GLT1D1: variants seen among roughly 807,000 people sequenced by gnomAD.
The protein encoded by GLT1D1 is glycosyltransferase 1 domain-containing protein 1.
Under a neutral mutation model 28.7 loss-of-function variants are expected in GLT1D1, and 21 were observed. The ratio of observed to expected loss-of-function variants is 0.73; its 90% confidence interval spans 0.52 to 1.05. GLT1D1 has a LOEUF of 1.05. Among genes scored for constraint, GLT1D1 ranks in the 50% least tolerant of loss-of-function variants. The probability of loss-of-function intolerance (pLI) is 0.00; values close to 1 mark genes in which losing one functional copy is unlikely to be tolerated. For synonymous variants in GLT1D1, 147 were observed against 124.8 expected (o/e 1.18, Z -1.19); for missense variants, 343 against 330.6 (o/e 1.04, Z -0.29).
At position 128,947,386 on chromosome 12, in the gene GLT1D1, C is replaced by G. The variant is rs144647363; in HGVS notation, c.468C>G (p.His156Gln). The G allele has an allele frequency of 6.2e-7, 1 of 1,613,860 alleles. No homozygotes were observed. The highest frequency in any genetic ancestry group is 8.5e-7 in the Non-Finnish European group (1 of 1,179,924). Residue 156 changes from histidine to glutamine, a missense_variant, in exon 6 of 8, where the codon CAC (histidine) becomes CAG (glutamine). Transcript: ENST00000281703. ...GAGAGATGCCTCAAGAAGATCTGCA[C>G]GCGGTGGTGAAGAATTGCTTCGCGG...
chr12:128,950,118 C>T lies in GLT1D1; in HGVS notation c.540+2660C>T, dbSNP rs1876539796. ...ATACGGCAGTGCGAGGCCTTTCCCACTTTGAAAAGCGAAGGGCCTTTTGAG... is the reference window on the plus strand; with the variant it reads ...ATACGGCAGTGCGAGGCCTTTCCCATTTTGAAAAGCGAAGGGCCTTTTGAG... On this transcript the variant is annotated intron_variant, in intron 6 of 7. Transcript: ENST00000281703. Among the ~76,000 whole-genome samples, 3 of 152,132 alleles carry T rather than the reference C, an allele frequency of 2.0e-5. No individual in the cohort carries two copies. The South Asian group carries it at 6.2e-4, about 32-fold the overall frequency.
At position 128,882,934 on chromosome 12, in the gene GLT1D1, T is replaced by C. The variant is rs537461345; in HGVS notation, c.218-5705T>C. Among the ~76,000 whole-genome samples, 926 of 147,514 alleles carry C rather than the reference T, an allele frequency of 6.3e-3. 8 individuals are homozygous for C. Among genetic ancestry groups the C allele is most frequent in the African/African-American group, 0.022 (872 of 40,516 alleles). The stretch of plus-strand genomic sequence containing the variant: ...TTTATTTATTTATTTATATTTTTAA[T>C]TTTTTTTTTTGAGACGGAGTCTCAC... On this transcript the variant is annotated intron_variant, in intron 2 of 7. Transcript: ENST00000281703.
intron 6 of GLT1D1, among the ~76,000 whole-genome samples, chr12:128,949,272 A>C (rs1593177295): frequency 6.6e-6 from 1 of 152,184 alleles, no homozygotes; most frequent in African/African-American, 2.4e-5. Flanking sequence ...TCGCTGTCAA[A>C]CCTCATTTAC....
intron 4 of GLT1D1, among the ~76,000 whole-genome samples, chr12:128,905,194 G>A (rs913201510): frequency 5.3e-5 from 8 of 152,192 alleles, no homozygotes; most frequent in South Asian, 2.1e-4. Flanking sequence ...CCCACTATAT[G>A]TCATCAATAT....
chr12:128,973,550 C>A (rs1306681072), intron 7 of GLT1D1, among the ~76,000 whole-genome samples: 1 of 151,860 alleles, frequency 6.6e-6, no homozygotes, highest in Non-Finnish European at 1.5e-5. Flanking sequence ...GATTTACCGC[C>A]GCACTTTAAT....
At chr12:128,883,407 C>T (rs983110112) in intron 2 of GLT1D1, among the ~76,000 whole-genome samples, 28 of 149,942 alleles carry the variant, frequency 1.9e-4, no homozygotes, top group African/African-American at 5.6e-4. Flanking sequence ...CTGGCCAACA[C>T]GGTGAAACCC....
chr12:128,911,250 G>C (rs1439613649), intron 4 of GLT1D1, among the ~76,000 whole-genome samples: 1 of 152,180 alleles, frequency 6.6e-6, no homozygotes, highest in Non-Finnish European at 1.5e-5. Flanking sequence ...CCTTCTGCCT[G>C]GATGCTGCCT....
At chr12:128,858,686 A>G (rs983115467) in intron 1 of GLT1D1, among the ~76,000 whole-genome samples, 2 of 151,838 alleles carry the variant, frequency 1.3e-5, no homozygotes, top group Non-Finnish European at 1.5e-5. Flanking sequence ...AAAAAAAAAA[A>G]TCTCCATTAA....
At chr12:128,919,943 TTCTCTC>T (rs1160496585) in intron 4 of GLT1D1, among the ~76,000 whole-genome samples, 39 of 109,784 alleles carry the variant, frequency 3.6e-4, no homozygotes, top group African/African-American at 1.4e-3. Context: ...TATTGCTTAT[TTCTCTC>T]TCTCTCTCTC....
At chr12:128,976,326 G>A (rs534446015) in intron 7 of GLT1D1, among the ~76,000 whole-genome samples, 33 of 152,172 alleles carry the variant, frequency 2.2e-4, no homozygotes, top group Non-Finnish European at 3.5e-4. Context: ...CACCCAATCA[G>A]TATCTCGGGG....
intron 4 of GLT1D1, among the ~76,000 whole-genome samples, chr12:128,911,319 G>A (rs548568442): frequency 8.2e-4 from 125 of 152,298 alleles, no homozygotes; most frequent in African/African-American, 2.9e-3. Flanking sequence ...TGATTGTCTC[G>A]CCCTTGGCAG....
At chr12:128,926,954 A>G (rs1476312585) in intron 4 of GLT1D1, 151 bp from the exon 8 acceptor site, 3 of 545,840 alleles carry the variant, frequency 5.5e-6, no homozygotes, top group Non-Finnish European at 9.8e-6. Context: ...TTCTAAATAA[A>G]TATAATTTAA....
chr12:128,956,772 T>C (rs541863397), intron 6 of GLT1D1, among the ~76,000 whole-genome samples: 2 of 152,356 alleles, frequency 1.3e-5, no homozygotes, highest in East Asian at 3.9e-4. Context: ...TCAGGTATTT[T>C]TGAAATTTAG....
chr12:128,854,317 G>A (rs188969147), intron 1 of GLT1D1, among the ~76,000 whole-genome samples: 1 of 152,152 alleles, frequency 6.6e-6, no homozygotes, highest in East Asian at 1.9e-4. Flanking sequence ...CGCTCGGCCT[G>A]TATTAGCCGG....
rs371985705 is a variant in GLT1D1 at position 128,913,765 on chromosome 12, A to G, written c.375+14478A>G. ...TGACATTTTTAGCTGGTGCAGCAGG[A>G]AAAACCTGGGCTCTGAGGCAGCGCG... On this transcript the variant is annotated intron_variant, in intron 4 of 7. Coordinates refer to ENST00000281703, the MANE Select transcript of GLT1D1 (RefSeq NM_144669.3). 5.1e-3 allele frequency among the ~76,000 whole-genome samples: 784 copies of G among 152,316 alleles called. 4 individuals are homozygous for G. Among genetic ancestry groups the G allele is most frequent in the African/African-American group, 0.018 (747 of 41,570 alleles).
intron 4 of GLT1D1, among the ~76,000 whole-genome samples, chr12:128,920,311 C>T (rs142205946): frequency 1.7e-3 from 263 of 152,196 alleles, no homozygotes; most frequent in African/African-American, 5.4e-3. Flanking sequence ...CTTCGGGAGG[C>T]CGGAGGCCGA....
At chr12:128,914,542 G>A (rs192335346) in intron 4 of GLT1D1, among the ~76,000 whole-genome samples, 9 of 152,260 alleles carry the variant, frequency 5.9e-5, no homozygotes, top group East Asian at 1.9e-4. Context: ...CAAGTGGGCC[G>A]TGTGTGGTGG....
chr12:128,938,190 C>T (rs2135473374), intron 4 of GLT1D1, among the ~76,000 whole-genome samples: 1 of 152,236 alleles, frequency 6.6e-6, no homozygotes, highest in Middle Eastern at 3.4e-3. Context: ...TCAGTGTCTT[C>T]ATTTGTAAAA....
In GLT1D1 at chr12:128,926,345, C is replaced by T. The variant is rs1873217871; in HGVS notation, c.376-18981C>T. The T allele has an allele frequency of 2.9e-6, 4 of 1,386,574 alleles. No homozygotes were observed. The East Asian group carries it at 1.0e-4, about 35-fold the overall frequency. 85.9% of individuals were successfully genotyped at this position (1,386,574 alleles called of 1,614,324 possible). A position where few individuals can be genotyped will look rare whatever the true frequency, so the allele number is the denominator to read the frequency against. On this transcript the variant is annotated intron_variant, in intron 4 of 7. Coordinates refer to ENST00000281703, the MANE Select transcript of GLT1D1 (RefSeq NM_144669.3). ...CCCTCCCCACTGAAAACATTCTGAA[C>T]TCTTCTCTTACAGAGATTAACCAAA...
Sources: gnomAD v4.1 joint callset for allele counts (sites outside exome capture counted in the v4.1 genomes callset) on GRCh38, gnomAD v4.1.1 for gene constraint, MANE v1.5 for transcripts, NCBI Gene and HGNC (gene_info 2026-07-23, HGNC 2026-07-21) for gene names.